MYO3B: variants seen among roughly 807,000 people sequenced by gnomAD.
The protein encoded by MYO3B is myosin IIIB.
Under a neutral mutation model 174.6 loss-of-function variants are expected in MYO3B, and 156 were observed. The ratio of observed to expected loss-of-function variants is 0.89; its 90% CI spans 0.78 to 1.02. The LOEUF is 1.02. Ranked by LOEUF, MYO3B falls within the 50% of genes least tolerant of loss-of-function variation. MYO3B has a pLI of 0.00. For synonymous variants in MYO3B, 563 were observed against 569.1 expected (o/e 0.99, Z 0.15); for missense variants, 1,632 against 1,639.4 (o/e 1.00, Z 0.08).
chr2:170,242,873 G>A (rs116053321), intron 7 of MYO3B, among the ~76,000 whole-genome samples: 1,540 of 152,266 alleles, frequency 0.01, 24 homozygotes, highest in African/African-American at 0.034. Context: ...CTAGAGTTGA[G>A]GCACCCTGGT....
intron 32 of MYO3B, among the ~76,000 whole-genome samples, chr2:170,626,259 T>C (rs1696420131): frequency 6.6e-6 from 1 of 152,222 alleles, no homozygotes; most frequent in African/African-American, 2.4e-5. Context: ...GCATATATAT[T>C]TAGGATAGTT....
intron 22 of MYO3B, among the ~76,000 whole-genome samples, chr2:170,429,196 T>G (rs1029457548): frequency 1.3e-5 from 2 of 152,236 alleles, no homozygotes; most frequent in African/African-American, 4.8e-5. Flanking sequence ...GATTTGCTCC[T>G]GCCTGAGCAT....
At chr2:170,212,748 T>C (rs1341606236) in intron 3 of MYO3B, among the ~76,000 whole-genome samples, 1 of 152,212 alleles carries the variant, frequency 6.6e-6, no homozygotes, top group Admixed American at 6.5e-5. Context: ...GCTACTTCCC[T>C]GCATAAGGCG....
intron 28 of MYO3B, 41 bp downstream of exon 28, chr2:170,501,906 T>C (rs776979482): frequency 7.6e-7 from 1 of 1,319,294 alleles, no homozygotes; most frequent in South Asian, 1.2e-5. Context: ...CTTGAAAATA[T>C]TCTGTGACTA....
At chr2:170,377,409 C>G (rs147269508) in intron 9 of MYO3B, among the ~76,000 whole-genome samples, 13 of 152,346 alleles carry the variant, frequency 8.5e-5, no homozygotes, top group Non-Finnish European at 1.2e-4. Flanking sequence ...CTTAGGGGAA[C>G]TCCCAGCCTC....
intron 32 of MYO3B, among the ~76,000 whole-genome samples, chr2:170,569,779 T>C (rs978893783): frequency 4.6e-5 from 7 of 151,246 alleles, no homozygotes; most frequent in Non-Finnish European, 8.8e-5. Context: ...GGAGAATCAC[T>C]TGAACCCTGG....
chr2:170,646,070 G>A (rs1010837480), intron 32 of MYO3B, among the ~76,000 whole-genome samples: 5 of 152,038 alleles, frequency 3.3e-5, no homozygotes, highest in Non-Finnish European at 5.9e-5. Flanking sequence ...TCGGGAGTTC[G>A]AGACCAGCCT....
chr2:170,528,746 T>C (rs775847190), intron 30 of MYO3B, among the ~76,000 whole-genome samples: 2 of 152,196 alleles, frequency 1.3e-5, no homozygotes, highest in Non-Finnish European at 2.9e-5. Flanking sequence ...CAGACGACGA[T>C]GGACGGTTTG....
rs754231266 is a variant in MYO3B, at chr2:170,453,443, CACACACACACGA to C, written c.2730+9398_2730+9409del. 1.2e-3 allele frequency among the ~76,000 whole-genome samples: 159 copies of C among 134,088 alleles called. 1 individual carries two copies. Among genetic ancestry groups the C allele is most frequent in the South Asian group, 2.9e-3 (12 of 4,120 alleles). The allele number at this position is 134,088 out of a possible 152,430, so 88.0% of individuals were successfully genotyped here. ...ACACACACACACACACACACACACA[CACACACACACGA>C]GAGAGAGAGAGAGAAAGAGAGAGCG... On this transcript the variant is annotated intron_variant, in intron 23 of 34. Coordinates refer to ENST00000408978, the MANE Select transcript of MYO3B (RefSeq NM_138995.5).
chr2:170,338,667 A>G (rs540862384), intron 8 of MYO3B, among the ~76,000 whole-genome samples: 2 of 152,234 alleles, frequency 1.3e-5, no homozygotes, highest in African/African-American at 4.8e-5. Context: ...CAGTGGCATG[A>G]TCTTGGCTCA....
chr2:170,397,439 T>C (rs2094447951), intron 16 of MYO3B, among the ~76,000 whole-genome samples: 1 of 152,230 alleles, frequency 6.6e-6, no homozygotes, highest in South Asian at 2.1e-4. Context: ...TACTTTTCTC[T>C]GTCTATAAGC....
At chr2:170,185,576 G>A (rs2092451935) in intron 1 of MYO3B, among the ~76,000 whole-genome samples, 2 of 152,142 alleles carry the variant, frequency 1.3e-5, no homozygotes, top group Admixed American at 1.3e-4. Context: ...GTTAGGTAAA[G>A]TGATTCTTCT....
intron 15 of MYO3B, among the ~76,000 whole-genome samples, 185 bp downstream of exon 15, chr2:170,391,803 G>A (rs899659096): frequency 2.6e-5 from 4 of 152,090 alleles, no homozygotes; most frequent in Admixed American, 6.6e-5. Context: ...AAACTCAACT[G>A]CACATGGTTT....
chr2:170,371,973 A>G (rs1486692167), intron 9 of MYO3B, among the ~76,000 whole-genome samples: 2 of 151,404 alleles, frequency 1.3e-5, no homozygotes, highest in East Asian at 3.9e-4. Flanking sequence ...AAAATAAAAG[A>G]AAAATTAGCC....
chr2:170,180,108 A>G (rs1272633928), intron 1 of MYO3B: 1 of 388,332 alleles, frequency 2.6e-6, no homozygotes, highest in Admixed American at 2.9e-5. Flanking sequence ...TTCTATTTAA[A>G]TCATGCTCGC....
chr2:170,440,798 G>GTTTT (rs745789992), intron 22 of MYO3B, among the ~76,000 whole-genome samples: 32 of 99,104 alleles, frequency 3.2e-4, no homozygotes, highest in Non-Finnish European at 4.0e-4. Context: ...TTGGGTGTTG[G>GTTTT]TTTTTTTTTT....
At position 170,514,946 on chromosome 2, in the gene MYO3B, G is replaced by A. The variant is rs1324804641; in HGVS notation, c.3396G>A (p.Gly1132=). The change falls in exon 29 of 35, where the codon GGG becomes GGA. Residue 1132 remains glycine (G), a synonymous_variant. Transcript: ENST00000408978. The part of the protein sequence containing the change: ...QAGDTSNQSS[G]PHSPVAAGTR... ...GGGACACTTCAAACCAAAGCAGTGG[G>A]CCACATTCCCCCGTCGCAGCAGGTA... The A allele has an allele frequency of 1.2e-6, 2 of 1,613,792 alleles. No individual in the cohort carries two copies. Among genetic ancestry groups the A allele is most frequent in the African/African-American group, 2.7e-5 (2 of 74,902 alleles).
chr2:170,419,905 C>G (rs531586249), intron 22 of MYO3B, among the ~76,000 whole-genome samples: 1 of 152,262 alleles, frequency 6.6e-6, no homozygotes, highest in Admixed American at 6.5e-5. Flanking sequence ...AAGAATGAAG[C>G]CGGGTGTGGT....
intron 22 of MYO3B, among the ~76,000 whole-genome samples, chr2:170,422,977 CTTTT>C (rs34882424): frequency 1.1e-5 from 1 of 88,504 alleles, no homozygotes; most frequent in African/African-American, 4.6e-5. Context: ...TTCTTTCTTT[CTTTT>C]TTTTTTTTTT....
Sources: allele counts gnomAD v4.1 joint callset (sites outside exome capture counted in the v4.1 genomes callset), GRCh38; gene constraint gnomAD v4.1.1; transcripts MANE v1.5; gene names NCBI Gene and HGNC (gene_info 2026-07-23, HGNC 2026-07-21).